Variants in TMOD1 observed in about 807,000 individuals in gnomAD.
TMOD1 encodes the protein tropomodulin-1.
A neutral mutation model predicts 40.6 loss-of-function variants in TMOD1; 17 were observed. That is an observed-to-expected ratio of 0.42 (90% CI 0.29 to 0.63). TMOD1 has a LOEUF of 0.63. Among genes scored for constraint, TMOD1 ranks in the 20% least tolerant of loss-of-function variants. The pLI, the probability that TMOD1 is intolerant of heterozygous loss-of-function variation, is 0.22. For missense variants in TMOD1, 391 were observed against 447.6 expected (o/e 0.87, Z 1.14); for synonymous variants, 181 against 175.0 (o/e 1.03, Z -0.27).
rs760481848 is a variant in TMOD1 at position 97,591,409 on chromosome 9, A to G, written c.989A>G (p.Asn330Ser). ...CAAGGACCCCGGCTTCGGGCATCCA[A>G]CGCAATGATGAACAACAATGACCTT... The part of the protein sequence containing the change: ...TQQGPRLRAS[N>S]AMMNNNDLVR... Residue 330 changes from asparagine (N) to serine (S), a missense_variant, in exon 9 of 10, where the codon AAC (asparagine) becomes AGC (serine). Asn to Ser is a conservative substitution (Grantham distance 46). Transcript: ENST00000259365. 4 of 1,614,206 alleles carry G rather than the reference A, an allele frequency of 2.5e-6. No homozygotes were observed. The highest frequency in any genetic ancestry group is 2.2e-5 in the South Asian group (2 of 91,088).
chr9:97,594,377 A>G (rs2805787), intron 9 of TMOD1, among the ~76,000 whole-genome samples: 45,263 of 152,166 alleles, frequency 0.3, 8,960 homozygotes, highest in African/African-American at 0.57. Flanking sequence ...TGCATCCTAC[A>G]TTAATGCCGC....
intron 8 of TMOD1, among the ~76,000 whole-genome samples, chr9:97,584,558 T>A (rs1361138019): frequency 6.6e-6 from 1 of 152,194 alleles, no homozygotes; most frequent in African/African-American, 2.4e-5. Context: ...GGTATCCTTG[T>A]TGACTTTCTG....
At chr9:97,564,852 C>T (rs1002080386) in intron 6 of TMOD1, among the ~76,000 whole-genome samples, 1 of 149,734 alleles carries the variant, frequency 6.7e-6, no homozygotes, top group Admixed American at 6.6e-5. Flanking sequence ...TGGATTAGTT[C>T]TGGGAGGGGG....
At chr9:97,574,998 G>GGCCAGATAAGAGAATAAAAGCAGGCT (rs1830899975) in intron 8 of TMOD1, among the ~76,000 whole-genome samples, 1 of 152,186 alleles carries the variant, frequency 6.6e-6, no homozygotes, top group African/African-American at 2.4e-5. Flanking sequence ...ATATGGGTGG[G>GGCCAGATAAGAGAATAAAAGCAGGCT]GCCAGATAAG....
At chr9:97,539,928 T>G (rs1563984466) in intron 2 of TMOD1, among the ~76,000 whole-genome samples, 1 of 129,964 alleles carries the variant, frequency 7.7e-6, no homozygotes, top group African/African-American at 3.0e-5. Context: ...ACCGAGATCA[T>G]GCCACTGCAC....
chr9:97,553,547 C>G, intron 4 of TMOD1, 147 bp downstream of exon 4: 1 of 1,230,318 alleles, frequency 8.1e-7, no homozygotes, highest in Non-Finnish European at 1.1e-6. Context: ...AACAACAATC[C>G]ATTCTCAAAA....
intron 8 of TMOD1, among the ~76,000 whole-genome samples, chr9:97,570,763 C>T (rs1208379643): frequency 2.0e-5 from 3 of 152,146 alleles, no homozygotes; most frequent in Non-Finnish European, 1.5e-5. Context: ...CCTGGATGGT[C>T]GTGCATATTG....
intron 2 of TMOD1, among the ~76,000 whole-genome samples, chr9:97,531,040 C>CCT (rs1554754345): frequency 1.5e-5 from 2 of 135,394 alleles, no homozygotes. Flanking sequence ...CACACCCACC[C>CCT]CCCCCACCAC....
chr9:97,562,665 G>T, intron 4 of TMOD1, 67 bp from the exon 5 acceptor site: 1 of 1,214,360 alleles, frequency 8.2e-7, no homozygotes, highest in East Asian at 2.8e-5. Context: ...GGGGTTTGGA[G>T]TGTGGGTCCC....
chr9:97,533,695 T>C (rs184552869), intron 2 of TMOD1, among the ~76,000 whole-genome samples: 60 of 152,364 alleles, frequency 3.9e-4, no homozygotes, highest in Non-Finnish European at 7.3e-5. Flanking sequence ...AAAAGGGCTC[T>C]GGACCCTCAT....
intron 2 of TMOD1, among the ~76,000 whole-genome samples, chr9:97,535,189 T>G (rs975183433): frequency 3.9e-5 from 6 of 152,090 alleles, no homozygotes; most frequent in Non-Finnish European, 8.8e-5. Flanking sequence ...TGTGGTCAGG[T>G]ACACATGTCA....
At chr9:97,586,746 C>A (rs1472754377) in intron 8 of TMOD1, among the ~76,000 whole-genome samples, 7 of 151,074 alleles carry the variant, frequency 4.6e-5, no homozygotes, top group African/African-American at 1.5e-4. Flanking sequence ...GCGCAGTATT[C>A]GGGTGGGAGT....
chr9:97,600,831 G>A lies in TMOD1; in HGVS notation c.*1133G>A, dbSNP rs912679775. 58 of 1,072,708 alleles carry A rather than the reference G, an allele frequency of 5.4e-5. No homozygotes were observed. Among genetic ancestry groups the A allele is most frequent in the Non-Finnish European group, 5.7e-5 (50 of 879,136 alleles). The allele number at this position is 1,072,708 out of a possible 1,614,324, so 66.4% of individuals were successfully genotyped here. A position where few individuals can be genotyped will look rare whatever the true frequency, so the allele number is the denominator to read the frequency against. On this transcript the variant is annotated 3_prime_UTR_variant, in exon 10 of 10. Transcript: ENST00000259365. ...CAGATCTCTTTTTAACATCATGTGC[G>A]TCTCTTGGGATCCAGCAAAAGTGTT...
chr9:97,509,865 AT>A (rs1829667306), intron 1 of TMOD1, among the ~76,000 whole-genome samples: 1 of 152,044 alleles, frequency 6.6e-6, no homozygotes, highest in Non-Finnish European at 1.5e-5. Flanking sequence ...CTTTTTTATA[AT>A]TATAAGTGAG....
intron 2 of TMOD1, among the ~76,000 whole-genome samples, chr9:97,540,456 A>C (rs753495468): frequency 4.6e-5 from 7 of 152,132 alleles, no homozygotes; most frequent in Non-Finnish European, 8.8e-5. Flanking sequence ...ATTTGACTTT[A>C]ATGATCTCCT....
At chr9:97,507,833 C>T (rs1255278863) in intron 1 of TMOD1, among the ~76,000 whole-genome samples, 1 of 152,104 alleles carries the variant, frequency 6.6e-6, no homozygotes, top group African/African-American at 2.4e-5. Context: ...GAACATCAAT[C>T]AGTCTTTCAG....
intron 8 of TMOD1, among the ~76,000 whole-genome samples, chr9:97,581,429 A>G (rs1189123948): frequency 6.6e-6 from 1 of 151,822 alleles, no homozygotes; most frequent in Non-Finnish European, 1.5e-5. Flanking sequence ...AGTCTTTGCG[A>G]TTGTGAATAA....
At chr9:97,574,562 G>C (rs542472273) in intron 8 of TMOD1, among the ~76,000 whole-genome samples, 1 of 152,256 alleles carries the variant, frequency 6.6e-6, no homozygotes, top group African/African-American at 2.4e-5. Context: ...GAGTGCGGGC[G>C]CAGGGCGCGG....
chr9:97,581,514 A>G (rs899251261), intron 8 of TMOD1, among the ~76,000 whole-genome samples: 3 of 152,068 alleles, frequency 2.0e-5, no homozygotes, highest in Non-Finnish European at 4.4e-5. Flanking sequence ...ATACCCAGTG[A>G]TGGGATGGCT....
Sources: gnomAD v4.1 joint callset for allele counts (sites outside exome capture counted in the v4.1 genomes callset) on GRCh38, gnomAD v4.1.1 for gene constraint, MANE v1.5 for transcripts, NCBI Gene and HGNC (gene_info 2026-07-23, HGNC 2026-07-21) for gene names.